The following HIVEP1 variants were observed in gnomAD, a reference collection of about 807,000 sequenced individuals.
HIVEP1 encodes the protein HIVEP zinc finger 1, also known as zinc finger protein 40.
In HIVEP1, 36 loss-of-function variants were observed where a neutral mutation model predicts 180.0. That is an observed-to-expected ratio of 0.20 (90% confidence interval 0.15 to 0.26). The LOEUF is 0.26. Among genes scored for constraint, HIVEP1 ranks in the 10% least tolerant of loss-of-function variants. The pLI is 1.00. For missense variants in HIVEP1, 3,143 were observed against 3,268.7 expected, an observed-to-expected ratio of 0.96 and a Z score of 0.94; for synonymous variants, 1,239 against 1,239.0, an observed-to-expected ratio of 1.00 and a Z score of 0.00.
chr6:12,123,803 C>A lies in HIVEP1; in HGVS notation c.4008C>A (p.Ile1336=). The part of the protein sequence containing the change: ...DVSKTEASPK[I]DFLNKAEFLM... ...CTAAAACGGAGGCTTCCCCCAAAAT[C>A]GATTTTCTAAATAAAGCCGAGTTTC... The change falls in exon 4 of 9, where the codon ATC becomes ATA. Residue 1336 remains isoleucine, a synonymous_variant. Coordinates refer to ENST00000379388, the MANE Select transcript of HIVEP1 (RefSeq NM_002114.4). 1 of 1,614,164 alleles carries A rather than the reference C, an allele frequency of 6.2e-7. No homozygotes were observed. The highest frequency in any genetic ancestry group is 1.1e-5 in the South Asian group (1 of 91,084).
chr6:12,166,943 C>A (rs1040941632), downstream of HIVEP1, among the ~76,000 whole-genome samples: 1 of 152,108 alleles, frequency 6.6e-6, no homozygotes. Context: ...AACCACAGGT[C>A]GTTTTTCTAG....
intron 1 of HIVEP1, among the ~76,000 whole-genome samples, chr6:12,014,439 G>GA (rs1288267015): frequency 5.3e-5 from 8 of 152,130 alleles, no homozygotes; most frequent in African/African-American, 1.7e-4. Flanking sequence ...TTAAATTAGG[G>GA]AATGTGTAGA....
intron 2 of HIVEP1, among the ~76,000 whole-genome samples, chr6:12,072,504 G>A (rs890048170): frequency 6.6e-5 from 10 of 151,978 alleles, no homozygotes; most frequent in Non-Finnish European, 8.8e-5. Flanking sequence ...TGGGTTCACC[G>A]AGCCTCCTGG....
Position 12,120,970 on chromosome 6 carries a change from A to C in HIVEP1, c.1175A>C (p.Asn392Thr), listed in dbSNP as rs1561961574. 2 of 1,614,176 alleles carry C rather than the reference A, an allele frequency of 1.2e-6. No individual in the cohort carries two copies. Among genetic ancestry groups the C allele is most frequent in the South Asian group, 2.2e-5 (2 of 91,084 alleles). Residue 392 changes from asparagine to threonine, a missense_variant, in exon 4 of 9, where the codon AAT becomes ACT. Transcript: ENST00000379388. ...AATCAAAGCGTAGAGCAAATGTGCA[A>C]TCTTCTTCTGAAAGATCAGAAGCCA... is the stretch of plus-strand genomic sequence containing the variant. ...VVNQSVEQMC[N>T]LLLKDQKPKK...
chr6:12,203,754 C>T, the HIVEP1 span, among the ~76,000 whole-genome samples: 9 of 152,104 alleles, frequency 5.9e-5, no homozygotes, highest in Non-Finnish European at 1.3e-4. Flanking sequence ...AGAAGTTTCA[C>T]GTGGATCTTG....
rs770611552 is a variant in HIVEP1 at position 12,055,955 on chromosome 6, G to A, written c.41-33229G>A. The stretch of plus-strand genomic sequence containing the variant: ...GGGAACTGTACTATATGTAATATTC[G>A]TGCAAAAGATGAGCTGTTATTTGCT... On this transcript the variant is annotated intron_variant, in intron 2 of 8. Coordinates refer to ENST00000379388, the MANE Select transcript of HIVEP1 (RefSeq NM_002114.4). 6.9e-4 allele frequency among the ~76,000 whole-genome samples: 105 copies of A among 152,288 alleles called. No homozygotes were observed. In the Middle Eastern group the frequency reaches 0.01, roughly 15 times the overall value.
chr6:12,102,271 A>G (rs1774155621), intron 3 of HIVEP1, among the ~76,000 whole-genome samples: 1 of 152,198 alleles, frequency 6.6e-6, no homozygotes, highest in Non-Finnish European at 1.5e-5. Flanking sequence ...TACTCCACCC[A>G]AGAACAACAG....
At chr6:12,112,888 G>A (rs1774992093) in intron 3 of HIVEP1, among the ~76,000 whole-genome samples, 2 of 152,122 alleles carry the variant, frequency 1.3e-5, no homozygotes, top group African/African-American at 2.4e-5. Flanking sequence ...GCCTCCCCTG[G>A]GGTAGAGGGT....
chr6:12,018,176 C>T (rs192368396), intron 2 of HIVEP1, among the ~76,000 whole-genome samples: 3 of 152,354 alleles, frequency 2.0e-5, no homozygotes, highest in Non-Finnish European at 4.4e-5. Flanking sequence ...CTAAGCCCCT[C>T]ACTGCCCGGG....
chr6:12,209,267 A>G, the HIVEP1 span, among the ~76,000 whole-genome samples: 2 of 152,174 alleles, frequency 1.3e-5, no homozygotes, highest in African/African-American at 4.8e-5. Flanking sequence ...CCCTGTCTCT[A>G]CTAAAAATGT....
intron 7 of HIVEP1, among the ~76,000 whole-genome samples, chr6:12,154,443 T>C (rs765597094): frequency 6.6e-6 from 1 of 152,250 alleles, no homozygotes; most frequent in Non-Finnish European, 1.5e-5. Context: ...GTGCCATCCA[T>C]GCAGCTGCAG....
intron 2 of HIVEP1, among the ~76,000 whole-genome samples, chr6:12,053,221 G>C (rs183611923): frequency 0.023 from 3,498 of 152,060 alleles, 120 homozygotes; most frequent in African/African-American, 0.078. Context: ...CCAATATGCT[G>C]TTCATGTGTG....
At chr6:12,196,803 G>A in the HIVEP1 span, among the ~76,000 whole-genome samples, 1 of 152,126 alleles carries the variant, frequency 6.6e-6, no homozygotes, top group East Asian at 1.9e-4. Flanking sequence ...AAGCTGCCCG[G>A]CATGTCACAT....
At chr6:12,058,332 T>C (rs1771005346) in intron 2 of HIVEP1, among the ~76,000 whole-genome samples, 1 of 152,204 alleles carries the variant, frequency 6.6e-6, no homozygotes, top group African/African-American at 2.4e-5. Context: ...GTCATGTGTT[T>C]AGAGAAATAG....
intron 2 of HIVEP1, among the ~76,000 whole-genome samples, chr6:12,041,850 G>T (rs1021939841): frequency 4.2e-5 from 5 of 118,238 alleles, no homozygotes; most frequent in African/African-American, 6.9e-5. Flanking sequence ...TAGTAGAAAC[G>T]GGTTTTCACC....
chr6:12,164,521 C>T lies in HIVEP1; in HGVS notation c.*60C>T, dbSNP rs1215325527. 1.5e-5 allele frequency: 19 copies of T among 1,293,482 alleles called. No homozygotes were observed. Among genetic ancestry groups the T allele is most frequent in the African/African-American group, 4.5e-5 (3 of 66,970 alleles). 80.1% of individuals were successfully genotyped at this position (1,293,482 alleles called of 1,614,324 possible). On this transcript the variant is annotated 3_prime_UTR_variant, in exon 9 of 9. Coordinates refer to ENST00000379388, the MANE Select transcript of HIVEP1 (RefSeq NM_002114.4). ...AACACTTAAAGGTTTCTTTGAAAAC[C>T]CTCCTTTCCTTAAAGCACATTTTTC...
intron 2 of HIVEP1, among the ~76,000 whole-genome samples, chr6:12,023,962 A>G (rs888028949): frequency 6.6e-6 from 1 of 152,204 alleles, no homozygotes; most frequent in African/African-American, 2.4e-5. Context: ...GCTAAAGTTG[A>G]TTCTTGTATT....
intron 2 of HIVEP1, among the ~76,000 whole-genome samples, chr6:12,018,628 A>G (rs937318547): frequency 6.6e-6 from 1 of 152,202 alleles, no homozygotes; most frequent in African/African-American, 2.4e-5. Flanking sequence ...TAGGGGGCGC[A>G]GTTTGGGGTG....
chr6:12,087,959 A>G (rs563076421), intron 2 of HIVEP1, among the ~76,000 whole-genome samples: 3 of 152,304 alleles, frequency 2.0e-5, no homozygotes, highest in East Asian at 3.9e-4. Context: ...TTGAGATGTA[A>G]TGTCCTATAT....
Sources: gnomAD v4.1 joint callset for allele counts (sites outside exome capture counted in the v4.1 genomes callset) on GRCh38, gnomAD v4.1.1 for gene constraint, MANE v1.5 for transcripts, NCBI Gene and HGNC (gene_info 2026-07-23, HGNC 2026-07-21) for gene names.